THADA: variants seen among roughly 807,000 people sequenced by gnomAD.
THADA encodes tRNA (32-2'-O)-methyltransferase regulator THADA.
A neutral mutation model predicts 219.8 loss-of-function variants in THADA; 213 were observed. The observed-to-expected ratio is 0.97, with a 90% CI of 0.87 to 1.09. The LOEUF is 1.09. THADA is among the 50% of genes least tolerant of loss of function. The pLI is 0.00. For missense variants in THADA, 2,956 were observed against 2,311.3 expected (o/e 1.28, Z -5.72); for synonymous variants, 1,018 against 828.9 (o/e 1.23, Z -3.92).
At chr2:43,315,846 A>G (rs758196893) in intron 31 of THADA, among the ~76,000 whole-genome samples, 31 of 152,370 alleles carry the variant, frequency 2.0e-4, no homozygotes, top group Middle Eastern at 6.8e-3. Flanking sequence ...GGGCAGAGAA[A>G]GAAATGTCAC....
chr2:43,500,973 A>C (rs774817281), intron 24 of THADA, among the ~76,000 whole-genome samples: 14 of 152,070 alleles, frequency 9.2e-5, no homozygotes, highest in Non-Finnish European at 2.9e-5. Context: ...ATAATTGCAA[A>C]AAAAAAGACA....
At chr2:43,288,678 A>T (rs1674336639) in intron 34 of THADA, among the ~76,000 whole-genome samples, 1 of 152,186 alleles carries the variant, frequency 6.6e-6, no homozygotes, top group South Asian at 2.1e-4. Context: ...TGAACTTTTC[A>T]TTCTTCAGGG....
At chr2:43,329,361 G>A (rs920510638) in intron 30 of THADA, among the ~76,000 whole-genome samples, 6 of 152,112 alleles carry the variant, frequency 3.9e-5, no homozygotes, top group African/African-American at 1.4e-4. Flanking sequence ...TAGGTGAGGT[G>A]GATGAAATCT....
At chr2:43,487,245 T>C (rs1687027242) in intron 25 of THADA, among the ~76,000 whole-genome samples, 1 of 152,172 alleles carries the variant, frequency 6.6e-6, no homozygotes, top group Non-Finnish European at 1.5e-5. Flanking sequence ...TTGGTAAAGA[T>C]ATCTGGGACC....
chr2:43,575,279 T>A lies in THADA; in HGVS notation c.1038-252A>T, dbSNP rs112862416. The stretch of plus-strand genomic sequence containing the variant: ...GCCTAGGCAATATAGTGAAACCCCA[T>A]CTCTATAAAAAATTTAAAAATTTAG... On this transcript the variant is annotated intron_variant, in intron 10 of 37. Transcript: ENST00000405975. Among the ~76,000 whole-genome samples, 1,449 of 152,150 alleles carry A rather than the reference T, an allele frequency of 9.5e-3. 19 individuals carry two copies. Among genetic ancestry groups the A allele is most frequent in the African/African-American group, 0.032 (1,311 of 41,504 alleles).
intron 15 of THADA, chr2:43,566,438 G>A (rs1409014162): frequency 1.4e-6 from 1 of 714,060 alleles, no homozygotes; most frequent in East Asian, 2.7e-5. Context: ...GGTAATAGCT[G>A]GAACTCTTTC....
At position 43,296,361 on chromosome 2, in the gene THADA, C is replaced by T. The variant is rs79974832; in HGVS notation, c.4439-3148G>A. 3.3e-4 allele frequency among the ~76,000 whole-genome samples: 50 copies of T among 151,870 alleles called. 1 individual carries two copies. The East Asian group carries it at 8.3e-3, about 25-fold the overall frequency. On this transcript the variant is annotated intron_variant, in intron 31 of 37. Coordinates refer to ENST00000405975, the MANE Select transcript of THADA (RefSeq NM_022065.5). Reference sequence around the variant, plus strand: ...CACAATATTGGCTCACTGCAACCTTCGCCTCCCCGGTACAAGTAATTCTCC... The same window carrying T: ...CACAATATTGGCTCACTGCAACCTTTGCCTCCCCGGTACAAGTAATTCTCC...
At chr2:43,294,589 G>A (rs975247984) in intron 31 of THADA, among the ~76,000 whole-genome samples, 32 of 152,180 alleles carry the variant, frequency 2.1e-4, no homozygotes, top group Non-Finnish European at 5.9e-5. Flanking sequence ...GAAGCAGCTA[G>A]TTCTGTATGC....
intron 21 of THADA, among the ~76,000 whole-genome samples, chr2:43,534,138 A>G (rs1325273674): frequency 6.6e-6 from 1 of 152,212 alleles, no homozygotes; most frequent in African/African-American, 2.4e-5. Flanking sequence ...TGAAATAATA[A>G]AGACATGTAA....
chr2:43,498,826 C>A lies in THADA; in HGVS notation c.3744+7G>T, dbSNP rs35419456. The A allele has an allele frequency of 0.035, 56,366 of 1,610,294 alleles. 1,262 individuals are homozygous for A. The highest frequency in any genetic ancestry group is 0.085 in the South Asian group (7,673 of 89,922). ...AATCAATGAAAATAAATAGTGACAG[C>A]ACTTACTGCCCAGACCGGTGATGTA... On this transcript the variant is annotated splice_region_variant and intron_variant, in intron 25 of 37. Coordinates refer to ENST00000405975, the MANE Select transcript of THADA (RefSeq NM_022065.5).
At chr2:43,400,757 A>G (rs1219871859) in intron 28 of THADA, among the ~76,000 whole-genome samples, 1 of 152,054 alleles carries the variant, frequency 6.6e-6, no homozygotes, top group Non-Finnish European at 1.5e-5. Flanking sequence ...GGCTCCAGAA[A>G]TTCCAAGTTT....
At chr2:43,425,399 C>T (rs893236004) in intron 28 of THADA, among the ~76,000 whole-genome samples, 1 of 150,778 alleles carries the variant, frequency 6.6e-6, no homozygotes, top group Non-Finnish European at 1.5e-5. Flanking sequence ...CCTTAAACTG[C>T]CTAACCAATT....
intron 4 of THADA, among the ~76,000 whole-genome samples, chr2:43,587,892 G>C (rs932534095): frequency 1.3e-5 from 2 of 152,052 alleles, no homozygotes; most frequent in African/African-American, 4.8e-5. Context: ...TATCAATTTT[G>C]CCTCAATTTA....
At chr2:43,453,261 A>G (rs1245539220) in intron 26 of THADA, among the ~76,000 whole-genome samples, 1 of 152,248 alleles carries the variant, frequency 6.6e-6, no homozygotes, top group Non-Finnish European at 1.5e-5. Context: ...AGTATGGAAA[A>G]GAGTCCCTTA....
chr2:43,480,720 A>T (rs1482267310), intron 26 of THADA, among the ~76,000 whole-genome samples: 1 of 151,634 alleles, frequency 6.6e-6, no homozygotes, highest in Non-Finnish European at 1.5e-5. Context: ...CGGGAGGCTG[A>T]GGCAGGAGAA....
At chr2:43,568,838 T>A (rs1242217921) in intron 14 of THADA, among the ~76,000 whole-genome samples, 1 of 152,066 alleles carries the variant, frequency 6.6e-6, no homozygotes, top group African/African-American at 2.4e-5. Context: ...AGGCCAGGAT[T>A]TTGAAACCAG....
intron 7 of THADA, among the ~76,000 whole-genome samples, chr2:43,582,569 C>CTTTTTT (rs755116429): frequency 8.4e-6 from 1 of 119,398 alleles, no homozygotes; most frequent in Non-Finnish European, 1.7e-5. Flanking sequence ...CCCTCCCTGG[C>CTTTTTT]TTTTTTTTTT....
At position 43,549,356 on chromosome 2, in the gene THADA, C is replaced by T. The variant is rs566178801; in HGVS notation, c.2960G>A (p.Arg987His). Residue 987 changes from arginine (R) to histidine (H), a missense_variant, in exon 20 of 38, where the codon CGC becomes CAC. Arg to His is a conservative substitution (Grantham distance 29). Transcript: ENST00000405975. The part of the protein sequence containing the change: ...PMDTDSESAS[R>H]LQMILNEIQP... Reference sequence around the variant, plus strand: ...AATCTCATTCAGAATCATCTGTAAGCGGCTTGCTGACTCTGAGGGAAAGAA... The same window carrying T: ...AATCTCATTCAGAATCATCTGTAAGTGGCTTGCTGACTCTGAGGGAAAGAA... The T allele has an allele frequency of 7.1e-5, 113 of 1,601,990 alleles. 1 individual carries two copies. The South Asian group carries it at 1.0e-3, about 15-fold the overall frequency.
intron 34 of THADA, among the ~76,000 whole-genome samples, chr2:43,288,036 G>C (rs1309595333): frequency 6.6e-6 from 1 of 152,206 alleles, no homozygotes; most frequent in Non-Finnish European, 1.5e-5. Flanking sequence ...ATGAGAACCT[G>C]GTGACTCAAC....
Sources: allele counts gnomAD v4.1 joint callset (sites outside exome capture counted in the v4.1 genomes callset), GRCh38; gene constraint gnomAD v4.1.1; transcripts MANE v1.5; gene names NCBI Gene and HGNC (gene_info 2026-07-23, HGNC 2026-07-21).